Variants in AXDND1 observed in about 807,000 individuals in gnomAD.
AXDND1 encodes the protein axonemal dynein light chain domain-containing protein 1.
A neutral mutation model predicts 137.5 loss-of-function variants in AXDND1; 110 were observed. That is an observed-to-expected ratio of 0.80 (90% confidence interval 0.69 to 0.94). AXDND1 has a LOEUF of 0.94. Ranked by LOEUF, AXDND1 falls within the 40% of genes least tolerant of loss-of-function variation. The pLI, the probability that AXDND1 is intolerant of heterozygous loss-of-function variation, is 0.00. For missense variants in AXDND1, 1,191 were observed against 1,169.8 expected (o/e 1.02, Z -0.26); for synonymous variants, 414 against 399.7 (o/e 1.04, Z -0.43).
chr1:179,367,778 G>A (rs1316054308), intron 2 of AXDND1, among the ~76,000 whole-genome samples: 1 of 152,170 alleles, frequency 6.6e-6, no homozygotes, highest in Admixed American at 6.5e-5. Flanking sequence ...GCAGAGATAA[G>A]AGAAACTCAA....
At chr1:179,425,018 G>A (rs1411861433) in intron 12 of AXDND1, among the ~76,000 whole-genome samples, 2 of 152,160 alleles carry the variant, frequency 1.3e-5, no homozygotes, top group South Asian at 2.1e-4. Flanking sequence ...GAGAGCTCAC[G>A]TGTTAGAGTC....
chr1:179,382,725 A>G lies in AXDND1; in HGVS notation c.607A>G (p.Ser203Gly), dbSNP rs1298742075. ...CAAATACACTACTCTCCTCACAGAT[A>G]GTGAAAACAGGCTATTGCTCTTCCC... is the stretch of plus-strand genomic sequence containing the variant. ...DDKYTTLLTD[S>G]ENRLLLFPSM... is the part of the protein sequence containing the mutation. Residue 203 changes from serine to glycine, a missense_variant, in exon 7 of 26, where the codon AGT becomes GGT. Transcript: ENST00000367618. 7 of 1,603,952 alleles carry G rather than the reference A, an allele frequency of 4.4e-6. No homozygotes were observed. Among genetic ancestry groups the G allele is most frequent in the Non-Finnish European group, 6.0e-6 (7 of 1,171,276 alleles).
At chr1:179,431,468 G>T (rs924848210) in intron 14 of AXDND1, among the ~76,000 whole-genome samples, 4 of 47,932 alleles carry the variant, frequency 8.3e-5, no homozygotes, top group Non-Finnish European at 2.1e-4. Context: ...TAAGGTTTTT[G>T]TTTGTTTGTT....
intron 16 of AXDND1, chr1:179,450,246 C>G (rs542314498): frequency 1.3e-5 from 2 of 152,270 alleles, no homozygotes; most frequent in South Asian, 2.1e-4. Flanking sequence ...GAACTCCTGA[C>G]CTTGTGATCC....
intron 20 of AXDND1, among the ~76,000 whole-genome samples, chr1:179,506,626 A>G (rs1437161802): frequency 1.3e-5 from 2 of 152,152 alleles, no homozygotes; most frequent in Non-Finnish European, 2.9e-5. Flanking sequence ...GCTACTCAGG[A>G]GGCTAAGGTA....
rs560935609 is a variant in AXDND1 at position 179,374,814 on chromosome 1, G to A, written c.375-3823G>A. Among the ~76,000 whole-genome samples, 21 of 147,334 alleles carry A rather than the reference G, an allele frequency of 1.4e-4. No homozygotes were observed. The East Asian group carries it at 2.2e-3, about 16-fold the overall frequency. Reference sequence around the variant, plus strand: ...CACAGGGTGGGGAACATCACACACCGGGGCCTGTCGTGGGATGGGGGGAGG... The same window carrying A: ...CACAGGGTGGGGAACATCACACACCAGGGCCTGTCGTGGGATGGGGGGAGG... On this transcript the variant is annotated intron_variant, in intron 4 of 25. Coordinates refer to ENST00000367618, the MANE Select transcript of AXDND1 (RefSeq NM_144696.6).
intron 25 of AXDND1, among the ~76,000 whole-genome samples, chr1:179,540,641 A>T (rs906602969): frequency 6.6e-6 from 1 of 152,154 alleles, no homozygotes; most frequent in Admixed American, 6.5e-5. Context: ...CCCAACTGGG[A>T]GGTATCTCCC....
At chr1:179,470,105 C>G (rs902524557) in intron 17 of AXDND1, among the ~76,000 whole-genome samples, 4 of 152,168 alleles carry the variant, frequency 2.6e-5, no homozygotes, top group African/African-American at 9.7e-5. Flanking sequence ...ATGGTATTGA[C>G]AATTTTGATG....
chr1:179,502,745 ATC>A (rs965086077), intron 20 of AXDND1, among the ~76,000 whole-genome samples: 3 of 151,856 alleles, frequency 2.0e-5, no homozygotes, highest in Non-Finnish European at 4.4e-5. Flanking sequence ...AATTCTATTC[ATC>A]TGTCAGTATA....
intron 11 of AXDND1, among the ~76,000 whole-genome samples, chr1:179,399,376 T>G (rs1481997573): frequency 6.6e-6 from 1 of 152,150 alleles, no homozygotes; most frequent in African/African-American, 2.4e-5. Context: ...GCTAACCGCA[T>G]GTAGGAGAAT....
At chr1:179,461,731 C>T (rs2125446130) in intron 16 of AXDND1, among the ~76,000 whole-genome samples, 1 of 152,212 alleles carries the variant, frequency 6.6e-6, no homozygotes, top group East Asian at 1.9e-4. Flanking sequence ...TTTTGTTGAG[C>T]AGAGGTTTGT....
chr1:179,484,141 AG>A (rs1665751388), intron 18 of AXDND1, among the ~76,000 whole-genome samples: 1 of 152,198 alleles, frequency 6.6e-6, no homozygotes, highest in Admixed American at 6.5e-5. Context: ...GCAGGCGAGA[AG>A]TGACCTACTC....
chr1:179,387,566 T>A (rs12757910), intron 9 of AXDND1, among the ~76,000 whole-genome samples: 44,320 of 152,132 alleles, frequency 0.29, 6,656 homozygotes, highest in Non-Finnish European at 0.31. Context: ...TGGATGGCAG[T>A]CATGAATTAT....
intron 12 of AXDND1, among the ~76,000 whole-genome samples, chr1:179,418,753 G>A (rs1277144771): frequency 2.6e-5 from 4 of 152,142 alleles, no homozygotes; most frequent in Non-Finnish European, 5.9e-5. Flanking sequence ...GGTGGCTGCC[G>A]GGCGGAGACG....
intron 25 of AXDND1, among the ~76,000 whole-genome samples, chr1:179,537,125 G>T (rs1671629592): frequency 6.6e-6 from 1 of 152,166 alleles, no homozygotes; most frequent in Non-Finnish European, 1.5e-5. Context: ...AGATGATGAG[G>T]TTTTCTAAAT....
intron 23 of AXDND1, among the ~76,000 whole-genome samples, chr1:179,531,417 G>A (rs1386011725): frequency 6.6e-6 from 1 of 152,124 alleles, no homozygotes; most frequent in African/African-American, 2.4e-5. Flanking sequence ...TAGTTTTGGG[G>A]AAGAGCTATT....
chr1:179,446,206 T>C (rs771310707), intron 16 of AXDND1, among the ~76,000 whole-genome samples: 14 of 152,176 alleles, frequency 9.2e-5, no homozygotes, highest in Admixed American at 5.2e-4. Context: ...ATTTATAACA[T>C]GTATAGAAAG....
In AXDND1 at chr1:179,534,874, A is replaced by G. The variant is rs1211604723; in HGVS notation, c.2943A>G (p.Gln981=). 1.2e-6 allele frequency: 2 copies of G among 1,607,210 alleles called. No homozygotes were observed. The highest frequency in any genetic ancestry group is 1.7e-6 in the Non-Finnish European group (2 of 1,177,830). Residue 981 remains glutamine, a synonymous_variant, in exon 25 of 26, where the codon CAA becomes CAG. Transcript: ENST00000367618. ...AGTCTAAAGAAGAGAAAGAAAATCA[A>G]GATGAAAGAGAAGTAAAAGAAGAAG... ...RKESKEEKEN[Q]DEREVKEEEE... is the part of the protein sequence containing the mutation.
chr1:179,458,398 A>G (rs1327062318), intron 16 of AXDND1, among the ~76,000 whole-genome samples: 2 of 152,312 alleles, frequency 1.3e-5, no homozygotes, highest in South Asian at 2.1e-4. Flanking sequence ...AAATCCTCCA[A>G]ATTGTTTATG....
Sources: gnomAD v4.1 joint callset for allele counts (sites outside exome capture counted in the v4.1 genomes callset) on GRCh38, gnomAD v4.1.1 for gene constraint, MANE v1.5 for transcripts, NCBI Gene and HGNC (gene_info 2026-07-23, HGNC 2026-07-21) for gene names.